The following GALNT13 variants were observed in gnomAD, a reference collection of about 807,000 sequenced individuals.
GALNT13 encodes polypeptide N-acetylgalactosaminyltransferase 13, also known as UDP-GalNAc:polypeptide N-acetylgalactosaminyltransferase 13.
Under a neutral mutation model 64.2 loss-of-function variants are expected in GALNT13, and 28 were observed. The ratio of observed to expected loss-of-function variants is 0.44; its 90% CI spans 0.32 to 0.60. The LOEUF (loss-of-function observed/expected upper bound fraction) is 0.60. Among genes scored for constraint, GALNT13 ranks in the 20% least tolerant of loss-of-function variants. The probability of loss-of-function intolerance (pLI) is 0.05; values close to 1 mark genes in which losing one functional copy is unlikely to be tolerated. For synonymous variants in GALNT13, 214 were observed against 224.6 expected (o/e 0.95, Z 0.42); for missense variants, 577 against 669.8 (o/e 0.86, Z 1.53).
intron 4 of GALNT13, among the ~76,000 whole-genome samples, chr2:154,176,429 T>G (rs1030894554): frequency 6.6e-6 from 1 of 151,816 alleles, no homozygotes; most frequent in African/African-American, 2.4e-5. Context: ...ATTTTTTGTA[T>G]TTTTAGTAGA....
At chr2:153,520,814 TC>T in the GALNT13 span, among the ~76,000 whole-genome samples, 2 of 152,164 alleles carry the variant, frequency 1.3e-5, no homozygotes, top group African/African-American at 4.8e-5. Context: ...AATAATCAAA[TC>T]TGAATAATTT....
the GALNT13 span, among the ~76,000 whole-genome samples, chr2:153,403,070 T>A: frequency 6.6e-6 from 1 of 151,618 alleles, no homozygotes; most frequent in Non-Finnish European, 1.5e-5. Context: ...TATCTACTTT[T>A]GGTCTTTGAT....
At chr2:154,248,712 A>G (rs545617578) in intron 7 of GALNT13, among the ~76,000 whole-genome samples, 1 of 152,270 alleles carries the variant, frequency 6.6e-6, no homozygotes, top group South Asian at 2.1e-4. Flanking sequence ...ACCTGGCACC[A>G]TCAGGTGGAA....
At chr2:153,775,450 T>G in the GALNT13 span, among the ~76,000 whole-genome samples, 2 of 152,288 alleles carry the variant, frequency 1.3e-5, no homozygotes, top group East Asian at 3.9e-4. Context: ...TGTTGATATA[T>G]TCTACTTACT....
the GALNT13 span, among the ~76,000 whole-genome samples, chr2:153,339,588 T>C: frequency 1.3e-5 from 2 of 152,204 alleles, no homozygotes; most frequent in African/African-American, 2.4e-5. Context: ...TTGATTGTTT[T>C]CATTGCTGTA....
At chr2:153,560,383 T>C in the GALNT13 span, among the ~76,000 whole-genome samples, 1 of 152,184 alleles carries the variant, frequency 6.6e-6, no homozygotes, top group South Asian at 2.1e-4. Flanking sequence ...GCTAGACGAA[T>C]AGCGATAGGA....
chr2:153,824,594 G>A, the GALNT13 span, among the ~76,000 whole-genome samples: 2 of 152,046 alleles, frequency 1.3e-5, no homozygotes, highest in African/African-American at 4.8e-5. Flanking sequence ...TGATGTGGGA[G>A]GCAAAATTCT....
the GALNT13 span, among the ~76,000 whole-genome samples, chr2:153,194,750 T>C: frequency 3.9e-5 from 6 of 152,304 alleles, no homozygotes; most frequent in East Asian, 9.7e-4. Context: ...TTTTTTCCTG[T>C]AGATGTATTT....
chr2:154,180,694 T>C (rs1346822822), intron 4 of GALNT13, among the ~76,000 whole-genome samples: 1 of 152,118 alleles, frequency 6.6e-6, no homozygotes, highest in Non-Finnish European at 1.5e-5. Context: ...CCTATAGGGG[T>C]GTATCTATCT....
intron 3 of GALNT13, among the ~76,000 whole-genome samples, chr2:154,102,826 G>A (rs189443236): frequency 1.7e-4 from 26 of 152,188 alleles, no homozygotes; most frequent in Admixed American, 9.8e-4. Flanking sequence ...TATAGAGTGC[G>A]TATGTATCTA....
the GALNT13 span, among the ~76,000 whole-genome samples, chr2:153,714,591 AC>A: frequency 6.6e-6 from 1 of 152,298 alleles, no homozygotes; most frequent in African/African-American, 2.4e-5. Flanking sequence ...TTAAGCTTAA[AC>A]AATTTGCAAT....
At chr2:153,109,317 C>T in the GALNT13 span, among the ~76,000 whole-genome samples, 1 of 152,138 alleles carries the variant, frequency 6.6e-6, no homozygotes, top group South Asian at 2.1e-4. Flanking sequence ...TGTAGTCATT[C>T]TCATTCCCAT....
At chr2:153,480,960 A>C in the GALNT13 span, among the ~76,000 whole-genome samples, 341 of 152,304 alleles carry the variant, frequency 2.2e-3, 1 homozygote, top group African/African-American at 7.9e-3. Context: ...TATTGCTAGG[A>C]ACAGTATTGC....
chr2:154,380,677 T>A (rs2105331112), intron 9 of GALNT13, among the ~76,000 whole-genome samples: 1 of 152,120 alleles, frequency 6.6e-6, no homozygotes, highest in South Asian at 2.1e-4. Flanking sequence ...ATATGTGTAC[T>A]AAATTGCCAC....
At chr2:154,177,944 ACTTCTGG>A (rs1685745339) in intron 4 of GALNT13, among the ~76,000 whole-genome samples, 1 of 152,142 alleles carries the variant, frequency 6.6e-6, no homozygotes, top group African/African-American at 2.4e-5. Context: ...TGATTTATAT[ACTTCTGG>A]CTTCTGAACC....
intron 4 of GALNT13, among the ~76,000 whole-genome samples, chr2:154,149,957 A>G (rs1423116967): frequency 1.3e-5 from 2 of 152,156 alleles, no homozygotes; most frequent in African/African-American, 4.8e-5. Flanking sequence ...AGAACGTCCA[A>G]CACTATGTTG....
chr2:153,251,690 A>C, the GALNT13 span, among the ~76,000 whole-genome samples: 2 of 138,458 alleles, frequency 1.4e-5, no homozygotes, highest in Middle Eastern at 8.8e-3. Flanking sequence ...CTCATTGTTC[A>C]GTTCCCACGT....
intron 12 of GALNT13, among the ~76,000 whole-genome samples, chr2:154,448,824 G>T (rs965582994): frequency 1.3e-5 from 2 of 151,894 alleles, no homozygotes; most frequent in African/African-American, 2.4e-5. Context: ...GCTTTCCGGG[G>T]TAGCTTAATG....
At chr2:153,400,891 A>G in the GALNT13 span, among the ~76,000 whole-genome samples, 2 of 151,014 alleles carry the variant, frequency 1.3e-5, no homozygotes, top group Non-Finnish European at 1.5e-5. Context: ...TGGATTCATT[A>G]ATTTTTTGAA....
Sources: gnomAD v4.1 joint callset for allele counts (sites outside exome capture counted in the v4.1 genomes callset) on GRCh38, gnomAD v4.1.1 for gene constraint, MANE v1.5 for transcripts, NCBI Gene and HGNC (gene_info 2026-07-23, HGNC 2026-07-21) for gene names.